MIPEP: variants seen among roughly 807,000 people sequenced by gnomAD.
MIPEP encodes the protein mitochondrial intermediate peptidase.
Under a neutral mutation model 90.3 loss-of-function variants are expected in MIPEP, and 79 were observed. The observed-to-expected ratio is 0.87, with a 90% CI of 0.73 to 1.05. The LOEUF is 1.05. MIPEP is among the 50% of genes least tolerant of loss of function. The pLI, the probability that MIPEP is intolerant of heterozygous loss-of-function variation, is 0.00. For missense variants in MIPEP, 940 were observed against 905.6 expected, an observed-to-expected ratio of 1.04 and a Z score of -0.49; for synonymous variants, 334 against 315.8, an observed-to-expected ratio of 1.06 and a Z score of -0.61.
intron 7 of MIPEP, among the ~76,000 whole-genome samples, chr13:23,864,490 G>A (rs1000585424): frequency 5.9e-5 from 9 of 152,056 alleles, no homozygotes; most frequent in African/African-American, 2.2e-4. Context: ...CTAGTACTTT[G>A]GGAGGCTGAG....
At chr13:23,875,027 AACACACACACACAC>A (rs10595689) in intron 4 of MIPEP, 118 bp from the exon 5 acceptor site, 30 of 402,104 alleles carry the variant, frequency 7.5e-5, no homozygotes, top group South Asian at 4.1e-4. Flanking sequence ...GTTTCTTCAA[AACACACACACACAC>A]ACACACACAC....
chr13:23,752,148 T>C lies in MIPEP; in HGVS notation c.2044+4397A>G, dbSNP rs55947793. On this transcript the variant is annotated intron_variant, in intron 18 of 18. Transcript: ENST00000382172. Reference sequence around the variant, plus strand: ...CCTGTGTTATAGGGGATTAAACTTATCAGAGGATAAGTAAAATCTGAACCT... The same window carrying C: ...CCTGTGTTATAGGGGATTAAACTTACCAGAGGATAAGTAAAATCTGAACCT... Among the ~76,000 whole-genome samples, 914 of 152,250 alleles carry C rather than the reference T, an allele frequency of 6.0e-3. 6 individuals carry two copies. Among genetic ancestry groups the C allele is most frequent in the Admixed American group, 0.011 (161 of 15,290 alleles).
At chr13:23,859,471 G>A (rs964460108) in intron 9 of MIPEP, among the ~76,000 whole-genome samples, 2 of 152,198 alleles carry the variant, frequency 1.3e-5, no homozygotes, top group African/African-American at 4.8e-5. Flanking sequence ...ACTGAAAGAA[G>A]GGAAAGCTTG....
At chr13:23,827,278 G>C (rs1169938965) in intron 14 of MIPEP, among the ~76,000 whole-genome samples, 1 of 152,124 alleles carries the variant, frequency 6.6e-6, no homozygotes, top group African/African-American at 2.4e-5. Flanking sequence ...AGAATTTGAA[G>C]GATAAAAGAA....
At chr13:23,822,831 C>CT (rs1181477427) in intron 14 of MIPEP, among the ~76,000 whole-genome samples, 5 of 150,022 alleles carry the variant, frequency 3.3e-5, no homozygotes, top group African/African-American at 1.2e-4. Flanking sequence ...ATTGTAAGAA[C>CT]AGTAATTACC....
chr13:23,814,418 C>T (rs1385805918), intron 14 of MIPEP, among the ~76,000 whole-genome samples: 4 of 152,118 alleles, frequency 2.6e-5, no homozygotes, highest in Non-Finnish European at 5.9e-5. Flanking sequence ...CCCGCCACCA[C>T]GCCTGGCTAA....
At chr13:23,830,065 C>CA (rs1868664668) in intron 14 of MIPEP, among the ~76,000 whole-genome samples, 6 of 152,288 alleles carry the variant, frequency 3.9e-5, no homozygotes, top group Admixed American at 3.9e-4. Context: ...TAAAGACATG[C>CA]ACCCCTTACA....
At chr13:23,792,301 C>A (rs1264456155) in intron 16 of MIPEP, among the ~76,000 whole-genome samples, 1 of 152,226 alleles carries the variant, frequency 6.6e-6, no homozygotes, top group Non-Finnish European at 1.5e-5. Flanking sequence ...TATTTGACAT[C>A]TTTTCTGGTT....
chr13:23,730,718 ATATGAC>A (rs1224896122), intron 18 of MIPEP, among the ~76,000 whole-genome samples: 4 of 152,230 alleles, frequency 2.6e-5, no homozygotes, highest in African/African-American at 9.6e-5. Flanking sequence ...ATTTTTGCAT[ATATGAC>A]TATACCCTTA....
intron 16 of MIPEP, among the ~76,000 whole-genome samples, chr13:23,796,216 C>G (rs763607176): frequency 3.3e-5 from 5 of 152,084 alleles, no homozygotes; most frequent in Non-Finnish European, 7.4e-5. Flanking sequence ...GCCAGGAGTT[C>G]AAGACCAGCC....
chr13:23,867,616 T>A (rs1297037341), intron 7 of MIPEP, among the ~76,000 whole-genome samples: 3 of 152,240 alleles, frequency 2.0e-5, no homozygotes, highest in Non-Finnish European at 2.9e-5. Context: ...TTTCTTCTGC[T>A]TTGTACACTG....
intron 16 of MIPEP, among the ~76,000 whole-genome samples, chr13:23,799,641 C>G (rs1263585582): frequency 6.6e-6 from 1 of 152,144 alleles, no homozygotes; most frequent in East Asian, 1.9e-4. Flanking sequence ...TAATTTTTAA[C>G]TAATGCTAAC....
At chr13:23,853,618 T>C (rs554580478) in intron 10 of MIPEP, among the ~76,000 whole-genome samples, 86 of 151,554 alleles carry the variant, frequency 5.7e-4, no homozygotes, top group Middle Eastern at 6.8e-3. Flanking sequence ...TGGAGTGCAG[T>C]GTCATTATCT....
At chr13:23,742,594 A>AG (rs1235737017) in intron 18 of MIPEP, among the ~76,000 whole-genome samples, 1 of 152,220 alleles carries the variant, frequency 6.6e-6, no homozygotes, top group African/African-American at 2.4e-5. Context: ...CAAGAGTTGA[A>AG]GGAGGAGGTT....
At chr13:23,810,680 A>G (rs1188567266) in intron 14 of MIPEP, among the ~76,000 whole-genome samples, 3 of 152,238 alleles carry the variant, frequency 2.0e-5, no homozygotes, top group African/African-American at 7.2e-5. Context: ...CACATTATAT[A>G]AAGACCAATG....
At chr13:23,848,992 G>C (rs371838976) in intron 10 of MIPEP, among the ~76,000 whole-genome samples, 32 of 152,318 alleles carry the variant, frequency 2.1e-4, no homozygotes, top group African/African-American at 7.5e-4. Context: ...AGCCAGTCAG[G>C]AGGGCGTGAC....
intron 18 of MIPEP, among the ~76,000 whole-genome samples, chr13:23,748,416 A>C (rs540014985): frequency 3.0e-4 from 45 of 152,340 alleles, no homozygotes; most frequent in Admixed American, 2.1e-3. Context: ...TAAACCAATA[A>C]ATGAAATAAT....
intron 16 of MIPEP, among the ~76,000 whole-genome samples, chr13:23,787,440 A>T (rs1469715245): frequency 1.3e-5 from 2 of 151,926 alleles, no homozygotes; most frequent in Non-Finnish European, 2.9e-5. Flanking sequence ...ACAGAGAGAG[A>T]GAGAGCACAG....
chr13:23,874,746 T>C (rs987004426), intron 5 of MIPEP, 100 bp downstream of exon 5: 1 of 962,004 alleles, frequency 1.0e-6, no homozygotes, highest in African/African-American at 1.7e-5. Flanking sequence ...GTTTTTGCAA[T>C]ATGCAAATTC....
Sources: allele counts gnomAD v4.1 joint callset (sites outside exome capture counted in the v4.1 genomes callset), GRCh38; gene constraint gnomAD v4.1.1; transcripts MANE v1.5; gene names NCBI Gene and HGNC (gene_info 2026-07-23, HGNC 2026-07-21).